DENND1A: variants seen among roughly 807,000 people sequenced by gnomAD.
The protein encoded by DENND1A is DENN domain containing 1A, also known as DENN domain-containing protein 1A.
A neutral mutation model predicts 113.7 loss-of-function variants in DENND1A; 51 were observed. That is an observed-to-expected ratio of 0.45 (90% CI 0.36 to 0.57). The LOEUF is 0.57. Among genes scored for constraint, DENND1A ranks in the 20% least tolerant of loss-of-function variants. The pLI is 0.00. For synonymous variants in DENND1A, 565 were observed against 570.8 expected (o/e 0.99, Z 0.14); for missense variants, 1,258 against 1,395.9 (o/e 0.90, Z 1.57).
At position 123,776,708 on chromosome 9, in the gene DENND1A, T is replaced by A. The variant is rs184810085; in HGVS notation, c.133-7145A>T. ...GACAAGCACCAAAACCTTAAAAAAA[T>A]TTTTTTTCAGAACTGGCATAAGAAA... On this transcript the variant is annotated intron_variant, in intron 3 of 23. Coordinates refer to ENST00000394215, the MANE Select transcript of DENND1A (RefSeq NM_001352964.2). Among the ~76,000 whole-genome samples, 1,107 of 152,178 alleles carry A rather than the reference T, an allele frequency of 7.3e-3. 35 individuals are homozygous for A. Among genetic ancestry groups the A allele is most frequent in the Admixed American group, 0.06 (914 of 15,256 alleles).
intron 5 of DENND1A, among the ~76,000 whole-genome samples, chr9:123,700,559 T>C (rs2065827057): frequency 7.9e-5 from 12 of 152,178 alleles, no homozygotes; most frequent in Admixed American, 7.9e-4. Context: ...AGGAAGGATT[T>C]TTAAATTACA....
rs546001517 is a variant in DENND1A, at chr9:123,516,884, C to CAAAAAAAAAAAAAAAAAAAAAAAAAAAA, written c.993+40658_993+40685dup. Among the ~76,000 whole-genome samples, 8 of 93,394 alleles carry CAAAAAAAAAAAAAAAAAAAAAAAAAAAA rather than the reference C, an allele frequency of 8.6e-5. 1 individual carries two copies. Among genetic ancestry groups the CAAAAAAAAAAAAAAAAAAAAAAAAAAAA allele is most frequent in the Admixed American group, 2.1e-4 (2 of 9,488 alleles). 61.3% of individuals were successfully genotyped at this position (93,394 alleles called of 152,430 possible). ...CTGGTGACAGAGTGAGACTCTGTCT[C>CAAAAAAAAAAAAAAAAAAAAAAAAAAAA]AAAAAAAAAAAAAAAAAAAAAAAAA... On this transcript the variant is annotated intron_variant, in intron 13 of 23. Transcript: ENST00000394215.
At chr9:123,496,947 T>G (rs2051979602) in intron 13 of DENND1A, among the ~76,000 whole-genome samples, 1 of 152,180 alleles carries the variant, frequency 6.6e-6, no homozygotes, top group Non-Finnish European at 1.5e-5. Flanking sequence ...CTTCCCCAAA[T>G]CTGGACCCTG....
At chr9:123,676,481 A>C (rs1264134565) in intron 6 of DENND1A, among the ~76,000 whole-genome samples, 1 of 152,186 alleles carries the variant, frequency 6.6e-6, no homozygotes, top group Non-Finnish European at 1.5e-5. Flanking sequence ...CATTTCTTTA[A>C]TGCAAAGAAA....
At chr9:123,580,837 C>T (rs2058853588) in intron 12 of DENND1A, among the ~76,000 whole-genome samples, 1 of 152,188 alleles carries the variant, frequency 6.6e-6, no homozygotes, top group African/African-American at 2.4e-5. Context: ...TTAAATTTTC[C>T]TAAGTTCTGT....
chr9:123,388,340 G>C (rs1210547433), intron 21 of DENND1A, among the ~76,000 whole-genome samples: 1 of 152,160 alleles, frequency 6.6e-6, no homozygotes, highest in Non-Finnish European at 1.5e-5. Context: ...AAAAAAGACT[G>C]GAAAGGTTCA....
At position 123,583,249 on chromosome 9, in the gene DENND1A, C is replaced by A; in HGVS notation, c.787G>T (p.Asp263Tyr). The change falls in exon 12 of 24, where the codon GAT (aspartate) becomes TAT (tyrosine). Residue 263 changes from aspartate (D) to tyrosine (Y), a missense_variant. Asp to Tyr is a radical substitution (Grantham distance 160). Around this residue, in one of 2 missense-constraint regions of DENND1A, gnomAD observed 1,159 missense variants for 1,231.7 expected, o/e 0.94. Transcript: ENST00000394215. ...LMEKVRNMAL[D>Y]DVVILNVDTN... ...TCCACATTCAGGATCACGACATCAT[C>A]CAGGGCCATGTTTCTGACTTTCTGC... 6.2e-7 allele frequency: 1 copy of A among 1,612,240 alleles called. No homozygotes were observed. Among genetic ancestry groups the A allele is most frequent in the Non-Finnish European group, 8.5e-7 (1 of 1,179,020 alleles).
chr9:123,904,266 G>GA (rs1347107948), intron 1 of DENND1A, among the ~76,000 whole-genome samples: 1 of 151,818 alleles, frequency 6.6e-6, no homozygotes, highest in Non-Finnish European at 1.5e-5. Flanking sequence ...CAAAGATGGG[G>GA]AAAAAACAGA....
At chr9:123,595,183 C>T (rs1273573354) in intron 11 of DENND1A, among the ~76,000 whole-genome samples, 3 of 152,178 alleles carry the variant, frequency 2.0e-5, no homozygotes, top group Non-Finnish European at 4.4e-5. Flanking sequence ...GAAACAGAAG[C>T]TTGGCAGAGG....
intron 19 of DENND1A, among the ~76,000 whole-genome samples, chr9:123,425,961 G>C (rs1395016850): frequency 1.3e-5 from 2 of 152,260 alleles, no homozygotes; most frequent in Non-Finnish European, 2.9e-5. Flanking sequence ...TGAAGAGCTG[G>C]TGAACAAATA....
At chr9:123,419,465 G>GA (rs2045046070) in intron 19 of DENND1A, among the ~76,000 whole-genome samples, 1 of 152,276 alleles carries the variant, frequency 6.6e-6, no homozygotes, top group Admixed American at 6.5e-5. Flanking sequence ...TGGAGATGGG[G>GA]AAGAGAGCAA....
rs141197774 is a variant in DENND1A, at chr9:123,838,193, G to C, written c.88+40758C>G. ...CGAATCAACAATCCACTACTTACTA[G>C]CTGTATTACCTTAAGGCAAGTTACT... On this transcript the variant is annotated intron_variant, in intron 2 of 23. Coordinates refer to ENST00000394215, the MANE Select transcript of DENND1A (RefSeq NM_001352964.2). Among the ~76,000 whole-genome samples, 263 of 152,238 alleles carry C rather than the reference G, an allele frequency of 1.7e-3. 2 individuals are homozygous for C. Among genetic ancestry groups the C allele is most frequent in the African/African-American group, 6.1e-3 (254 of 41,544 alleles).
chr9:123,675,658 T>A (rs2064033818), intron 6 of DENND1A, among the ~76,000 whole-genome samples: 1 of 152,222 alleles, frequency 6.6e-6, no homozygotes. Context: ...AACTCATTAA[T>A]AATCAAAGAA....
At chr9:123,414,490 G>A in intron 19 of DENND1A, 1 of 1,536,730 alleles carries the variant, frequency 6.5e-7, no homozygotes, top group Non-Finnish European at 8.8e-7. Flanking sequence ...ACACCATCCT[G>A]GGAGACGCAT....
At chr9:123,614,510 G>C (rs537355112) in intron 10 of DENND1A, among the ~76,000 whole-genome samples, 6 of 152,128 alleles carry the variant, frequency 3.9e-5, no homozygotes, top group Non-Finnish European at 7.4e-5. Context: ...AGATAACCAG[G>C]GCTCTGTTAA....
intron 5 of DENND1A, among the ~76,000 whole-genome samples, chr9:123,706,795 A>G (rs1360560220): frequency 1.4e-5 from 2 of 144,556 alleles, no homozygotes; most frequent in African/African-American, 5.3e-5. Flanking sequence ...AAAAAAAAAA[A>G]AATAGAGAAG....
intron 19 of DENND1A, chr9:123,439,634 T>C (rs1242390502): frequency 1.3e-5 from 2 of 152,718 alleles, no homozygotes; most frequent in Non-Finnish European, 2.9e-5. Context: ...TACAGCCATA[T>C]CTTGCTAAAA....
intron 5 of DENND1A, among the ~76,000 whole-genome samples, chr9:123,744,052 T>C (rs572472351): frequency 1.3e-5 from 2 of 152,312 alleles, no homozygotes; most frequent in Admixed American, 1.3e-4. Flanking sequence ...TATATGAAGG[T>C]GGTTATAATT....
chr9:123,394,566 A>G (rs1459457652), intron 21 of DENND1A, among the ~76,000 whole-genome samples: 2 of 152,184 alleles, frequency 1.3e-5, no homozygotes, highest in Non-Finnish European at 2.9e-5. Context: ...TTATTCGGGC[A>G]TTTATTTGAT....
Sources: allele counts gnomAD v4.1 joint callset (sites outside exome capture counted in the v4.1 genomes callset), GRCh38; gene constraint gnomAD v4.1.1; regional missense constraint gnomAD v4.1.1; transcripts MANE v1.5; gene names NCBI Gene and HGNC (gene_info 2026-07-23, HGNC 2026-07-21).